The following SNAPC3 variants were observed in gnomAD, a reference collection of about 807,000 sequenced individuals.
SNAPC3 encodes small nuclear RNA activating complex polypeptide 3.
In SNAPC3, 56 loss-of-function variants were observed where a neutral mutation model predicts 47.7. The ratio of observed to expected loss-of-function variants is 1.18; its 90% CI spans 0.95 to 1.47. The LOEUF (loss-of-function observed/expected upper bound fraction) is 1.47, where lower values mean the gene tolerates loss of function less well. Ranked by LOEUF, SNAPC3 falls within the 40% of genes most tolerant of loss-of-function variation. The pLI, the probability that SNAPC3 is intolerant of heterozygous loss-of-function variation, is 0.00. For synonymous variants in SNAPC3, 235 were observed against 189.9 expected, an observed-to-expected ratio of 1.24 and a Z score of -1.95; for missense variants, 665 against 511.3, an observed-to-expected ratio of 1.30 and a Z score of -2.90.
At chr9:15,444,736 G>C in intron 4 of SNAPC3, 30 bp downstream of exon 4, 1 of 1,157,004 alleles carries the variant, frequency 8.6e-7, no homozygotes, top group Non-Finnish European at 1.3e-6. Context: ...GGATTTTATG[G>C]ATAATAGTAA....
chr9:15,432,504 G>A (rs1402560679), intron 2 of SNAPC3, among the ~76,000 whole-genome samples: 2 of 152,012 alleles, frequency 1.3e-5, no homozygotes, highest in Non-Finnish European at 2.9e-5. Flanking sequence ...GCATCTTGTG[G>A]TGCCGGAAAG....
chr9:15,430,983 C>T (rs780204397), intron 2 of SNAPC3, among the ~76,000 whole-genome samples: 1 of 152,114 alleles, frequency 6.6e-6, no homozygotes, highest in Admixed American at 6.5e-5. Context: ...AAATACTTTT[C>T]TTTTGCCAAC....
At chr9:15,430,973 A>G (rs1246102949) in intron 2 of SNAPC3, among the ~76,000 whole-genome samples, 17 of 152,176 alleles carry the variant, frequency 1.1e-4, no homozygotes, top group Admixed American at 1.1e-3. Context: ...TTGGCCTTTT[A>G]AATACTTTTC....
intron 7 of SNAPC3, among the ~76,000 whole-genome samples, chr9:15,456,259 GTCGGCC>G (rs1276337889): frequency 3.3e-5 from 5 of 150,634 alleles, no homozygotes; most frequent in Non-Finnish European, 7.4e-5. Context: ...ATCCGCCCAT[GTCGGCC>G]TCCCAAAGTG....
Position 15,458,070 on chromosome 9 carries a change from G to C in SNAPC3, c.1088+3G>C, listed in dbSNP as rs370841724. Reference sequence around the variant, plus strand: ...GTTTGTAAAATGTATACAGCCAGGTGAGTGATAATGTATTTTTTTTTTTCT... The same window carrying C: ...GTTTGTAAAATGTATACAGCCAGGTCAGTGATAATGTATTTTTTTTTTTCT... On this transcript the variant is annotated splice_donor_region_variant and intron_variant, in intron 8 of 8. Transcript: ENST00000380821. 4.1e-6 allele frequency: 6 copies of C among 1,447,328 alleles called. No homozygotes were observed. In the African/African-American group the frequency reaches 9.7e-5, roughly 23 times the overall value. 89.7% of individuals were successfully genotyped at this position (1,447,328 alleles called of 1,614,324 possible).
intron 2 of SNAPC3, among the ~76,000 whole-genome samples, chr9:15,427,941 C>T (rs1180215135): frequency 6.6e-6 from 1 of 151,818 alleles, no homozygotes; most frequent in Non-Finnish European, 1.5e-5. Context: ...TGAAACCCCA[C>T]CTCTACTAAA....
chr9:15,466,246 G>A (rs2035618033), downstream of SNAPC3, among the ~76,000 whole-genome samples: 1 of 152,292 alleles, frequency 6.6e-6, no homozygotes, highest in South Asian at 2.1e-4. Flanking sequence ...GGGCGTGGTG[G>A]CAGGTGCCTG....
rs575884840 is a variant in SNAPC3 at position 15,428,499 on chromosome 9, ACT to A, written c.392+4516_392+4517del. Among the ~76,000 whole-genome samples the A allele has an allele frequency of 5.5e-4, 62 of 111,982 alleles. 2 individuals carry two copies. In the East Asian group the frequency reaches 0.016, roughly 28 times the overall value. 73.5% of individuals were successfully genotyped at this position (111,982 alleles called of 152,430 possible). On this transcript the variant is annotated intron_variant, in intron 2 of 8. Transcript: ENST00000380821. ...ACTCCAGCCTGGGCGACACAGCGAG[ACT>A]CTGTCTCAAAAAAAAAAAAAAAGAG...
At chr9:15,423,286 C>T (rs1311195568) in intron 1 of SNAPC3, 93 bp downstream of exon 1, 9 of 1,304,162 alleles carry the variant, frequency 6.9e-6, no homozygotes, top group African/African-American at 1.6e-5. Flanking sequence ...CTGAGAAGGG[C>T]CTGTGGTTTA....
At chr9:15,442,975 C>A (rs2033617275) in intron 3 of SNAPC3, among the ~76,000 whole-genome samples, 1 of 152,230 alleles carries the variant, frequency 6.6e-6, no homozygotes, top group Non-Finnish European at 1.5e-5. Context: ...TGGAGACCAG[C>A]CTGGCCAACA....
chr9:15,430,184 A>G (rs1474639405), intron 2 of SNAPC3, among the ~76,000 whole-genome samples: 1 of 152,238 alleles, frequency 6.6e-6, no homozygotes, highest in Non-Finnish European at 1.5e-5. Context: ...TACTCTCAAC[A>G]CTTGGGGAGG....
At chr9:15,448,240 T>A (rs1319571666) in intron 5 of SNAPC3, among the ~76,000 whole-genome samples, 1 of 150,432 alleles carries the variant, frequency 6.6e-6, no homozygotes, top group Admixed American at 6.6e-5. Flanking sequence ...TCATGTTAAC[T>A]TTTTTTTTTC....
intron 4 of SNAPC3, among the ~76,000 whole-genome samples, chr9:15,445,202 C>G (rs1429749560): frequency 6.6e-6 from 1 of 152,204 alleles, no homozygotes; most frequent in East Asian, 1.9e-4. Context: ...GGTCAAATTT[C>G]AAACAATCTC....
At position 15,453,047 on chromosome 9, in the gene SNAPC3, C is replaced by T; in HGVS notation, c.822C>T (p.Ile274=). ...TTGCCTTTTCCCCCCTCAGAACTAT[C>T]ATTGAGTGGTCAGAGTCCCATGATA... ...YPECRDLSRT[I]IEWSESHDRG... Residue 274 remains isoleucine (I), a synonymous_variant, in exon 7 of 9, where the codon ATC becomes ATT. Coordinates refer to ENST00000380821, the MANE Select transcript of SNAPC3 (RefSeq NM_001039697.2). The T allele has an allele frequency of 6.2e-7, 1 of 1,611,962 alleles. No individual in the cohort carries two copies. The highest frequency in any genetic ancestry group is 1.1e-5 in the South Asian group (1 of 90,600).
At chr9:15,463,500 GGGT>G (rs1260421390), downstream of SNAPC3, 9 of 124,090 alleles carry the variant, frequency 7.3e-5, no homozygotes, top group Middle Eastern at 4.1e-3. Context: ...TGGAGGGGTG[GGGT>G]GGGGTGGGGT....
chr9:15,438,917 A>C (rs2033072848), intron 3 of SNAPC3, among the ~76,000 whole-genome samples: 1 of 151,970 alleles, frequency 6.6e-6, no homozygotes, highest in African/African-American at 2.4e-5. Flanking sequence ...TAGTTGTTCT[A>C]CCCGTTATTG....
At chr9:15,435,040 G>C (rs1441716791) in intron 3 of SNAPC3, among the ~76,000 whole-genome samples, 1 of 152,116 alleles carries the variant, frequency 6.6e-6, no homozygotes, top group Non-Finnish European at 1.5e-5. Context: ...AGTAATGCAT[G>C]AAGGTTCCAA....
chr9:15,459,819 G>A lies in SNAPC3; in HGVS notation c.1189G>A (p.Gly397Arg). 6.2e-7 allele frequency: 1 copy of A among 1,613,222 alleles called. No homozygotes were observed. The highest frequency in any genetic ancestry group is 8.5e-7 in the Non-Finnish European group (1 of 1,179,626). The part of the protein sequence containing the change: ...LHYDSEGNKL[G>R]EFLAYPYVDP... ...CTATGATTCAGAAGGCAACAAACTGGGGGAATTCCTTGCTTATCCTTATGT... is the reference window on the plus strand; with the variant it reads ...CTATGATTCAGAAGGCAACAAACTGAGGGAATTCCTTGCTTATCCTTATGT... Residue 397 changes from glycine (G) to arginine (R), a missense_variant, in exon 9 of 9, where the codon GGG becomes AGG. Coordinates refer to ENST00000380821, the MANE Select transcript of SNAPC3 (RefSeq NM_001039697.2).
rs1238786549 is a variant in SNAPC3, at chr9:15,459,987, C to CA, written c.*129dup. 5.6e-5 allele frequency: 41 copies of CA among 733,686 alleles called. No individual in the cohort carries two copies. Among genetic ancestry groups the CA allele is most frequent in the Middle Eastern group, 3.1e-4 (1 of 3,190 alleles). The allele number at this position is 733,686 out of a possible 1,614,324, so 45.4% of individuals were successfully genotyped here. A position where few individuals can be genotyped will look rare whatever the true frequency, so the allele number is the denominator to read the frequency against. On this transcript the variant is annotated 3_prime_UTR_variant, in exon 9 of 9. Transcript: ENST00000380821. ...ACTTTGAACAGTCCGCTAAAGCTAT[C>CA]AAAAAAAAGTCCAAATGACAGATTT... is the stretch of plus-strand genomic sequence containing the variant.
Sources: allele counts gnomAD v4.1 joint callset (sites outside exome capture counted in the v4.1 genomes callset), GRCh38; gene constraint gnomAD v4.1.1; transcripts MANE v1.5; gene names NCBI Gene and HGNC (gene_info 2026-07-23, HGNC 2026-07-21).